The following SAMMSON variants were observed in gnomAD, a reference collection of about 807,000 sequenced individuals.
The protein encoded by SAMMSON is survival associated mitochondrial melanoma specific oncogenic non-coding RNA.
At chr3:70,204,537 C>T (rs1000309339) in intron 4 of SAMMSON, 1 of 152,122 alleles carries the variant, frequency 6.6e-6, no homozygotes. Flanking sequence ...AGGAAAAGGA[C>T]AAGTGGACTA....
intron 4 of SAMMSON, among the ~76,000 whole-genome samples, chr3:70,200,060 A>G (rs1292387314): frequency 1.3e-5 from 2 of 152,042 alleles, no homozygotes; most frequent in Non-Finnish European, 1.5e-5. Context: ...GCTTTTCCTC[A>G]TCATACCTTC....
At chr3:70,011,183 G>A (rs1370593056) in intron 1 of SAMMSON, among the ~76,000 whole-genome samples, 1 of 152,006 alleles carries the variant, frequency 6.6e-6, no homozygotes, top group Non-Finnish European at 1.5e-5. Context: ...GCTATCATCT[G>A]TTTTTTGTGA....
intron 3 of SAMMSON, among the ~76,000 whole-genome samples, chr3:70,047,021 G>A (rs1460775908): frequency 1.3e-5 from 2 of 152,032 alleles, no homozygotes; most frequent in African/African-American, 2.4e-5. Context: ...TTACACCTGC[G>A]AATTCCCTTT....
intron 3 of SAMMSON, among the ~76,000 whole-genome samples, chr3:70,059,812 C>G (rs2067181112): frequency 6.6e-6 from 1 of 152,084 alleles, no homozygotes; most frequent in Non-Finnish European, 1.5e-5. Flanking sequence ...GGGGGACTTT[C>G]TAGCTGTTTT....
At chr3:70,388,448 T>G (rs181175602) in intron 9 of SAMMSON, among the ~76,000 whole-genome samples, 1 of 152,274 alleles carries the variant, frequency 6.6e-6, no homozygotes. Context: ...GTTCCTGAAT[T>G]TTCTTTTTTA....
intron 7 of SAMMSON, among the ~76,000 whole-genome samples, chr3:70,296,438 G>T (rs1227869823): frequency 1.3e-5 from 2 of 151,966 alleles, no homozygotes; most frequent in Non-Finnish European, 2.9e-5. Flanking sequence ...GAAACACTGA[G>T]CCCCAGTTTA....
intron 2 of SAMMSON, among the ~76,000 whole-genome samples, chr3:70,431,631 A>G (rs907841813): frequency 1.3e-5 from 2 of 152,156 alleles, no homozygotes; most frequent in South Asian, 2.1e-4. Context: ...TTAACACACA[A>G]TTCACAGATC....
Position 70,397,327 on chromosome 3 carries a change from C to T in SAMMSON, n.233+39003C>T, listed in dbSNP as rs747255932. Among the ~76,000 whole-genome samples the T allele has an allele frequency of 5.4e-4, 82 of 151,900 alleles. 3 individuals are homozygous for T. Among genetic ancestry groups the T allele is most frequent in the Non-Finnish European group, 4.9e-4 (33 of 67,934 alleles). On this transcript the variant is annotated intron_variant and non_coding_transcript_variant, in intron 2 of 3. Transcript: ENST00000641053. ...TCTTCTTCTTTTTGTTTTTTTGGGA[C>T]GGGGTCTCACTTCATCACCCAGGCT...
At chr3:70,125,861 C>G (rs2067455925) in intron 4 of SAMMSON, 1 of 676,324 alleles carries the variant, frequency 1.5e-6, no homozygotes. Context: ...TTCTGTTGGT[C>G]CTCATCATCA....
chr3:70,059,694 T>C (rs1282835590), intron 3 of SAMMSON, among the ~76,000 whole-genome samples: 1 of 152,030 alleles, frequency 6.6e-6, no homozygotes, highest in African/African-American at 2.4e-5. Flanking sequence ...GGAAACACAC[T>C]CACAGACACA....
At chr3:70,327,313 G>A (rs1702587033) in intron 7 of SAMMSON, among the ~76,000 whole-genome samples, 1 of 152,164 alleles carries the variant, frequency 6.6e-6, no homozygotes, top group Non-Finnish European at 1.5e-5. Context: ...ATAATCCACA[G>A]TAATTAGACA....
rs142158001 is a variant in SAMMSON, at chr3:70,364,498, G to A, written n.913+6174G>A. ...TTTATTTCTTCCCTCTTTAACAAGCGGCTTGAACTTTTTCTCTTACTACCC... is the reference window on the plus strand; with the variant it reads ...TTTATTTCTTCCCTCTTTAACAAGCAGCTTGAACTTTTTCTCTTACTACCC... On this transcript the variant is annotated intron_variant and non_coding_transcript_variant, in intron 9 of 9. Transcript: ENST00000642114. 5.3e-3 allele frequency among the ~76,000 whole-genome samples: 798 copies of A among 151,804 alleles called. 4 individuals carry two copies. The highest frequency in any genetic ancestry group is 7.5e-3 in the Non-Finnish European group (507 of 67,782).
chr3:70,180,637 C>G (rs79011422), intron 4 of SAMMSON, among the ~76,000 whole-genome samples: 2,200 of 152,190 alleles, frequency 0.014, 56 homozygotes, highest in African/African-American at 0.05. Context: ...GTTCTTTGAG[C>G]CTTCAGATAT....
intron 4 of SAMMSON, among the ~76,000 whole-genome samples, chr3:70,245,709 A>ATATATATATATATATG (rs1701700825): frequency 7.2e-6 from 1 of 139,528 alleles, no homozygotes; most frequent in South Asian, 2.3e-4. Flanking sequence ...ATATATATAT[A>ATATATATATATATATG]TATATACACA....
chr3:70,419,387 T>C (rs539913837), intron 2 of SAMMSON, among the ~76,000 whole-genome samples: 33 of 152,248 alleles, frequency 2.2e-4, no homozygotes, highest in Middle Eastern at 3.4e-3. Context: ...AATGATGTTA[T>C]GCATGGGGGG....
intron 3 of SAMMSON, chr3:70,014,660 C>G (rs540211670): frequency 6.6e-6 from 1 of 152,308 alleles, no homozygotes; most frequent in East Asian, 1.9e-4. Context: ...TGGAGAATGT[C>G]TTTAGGGACA....
At chr3:70,309,707 A>T (rs1702438526) in intron 7 of SAMMSON, among the ~76,000 whole-genome samples, 1 of 152,186 alleles carries the variant, frequency 6.6e-6, no homozygotes, top group African/African-American at 2.4e-5. Context: ...TATGTTTGAA[A>T]ACTAACTCAT....
At chr3:70,232,601 T>C (rs1386320319) in intron 4 of SAMMSON, among the ~76,000 whole-genome samples, 2 of 151,996 alleles carry the variant, frequency 1.3e-5, no homozygotes, top group African/African-American at 4.8e-5. Context: ...GGTTTCACTG[T>C]GTGGGCCAGG....
At chr3:70,112,193 A>G (rs546111794) in intron 4 of SAMMSON, among the ~76,000 whole-genome samples, 1 of 152,314 alleles carries the variant, frequency 6.6e-6, no homozygotes, top group African/African-American at 2.4e-5. Flanking sequence ...TAGAGAAAAA[A>G]GACAGATTAC....
Sources: allele counts gnomAD v4.1 joint callset (sites outside exome capture counted in the v4.1 genomes callset), GRCh38; gene constraint gnomAD v4.1.1; transcripts MANE v1.5; gene names NCBI Gene and HGNC (gene_info 2026-07-23, HGNC 2026-07-21).